TSHZ2: variants seen among roughly 807,000 people sequenced by gnomAD.
TSHZ2 encodes the protein teashirt zinc finger homeobox 2, also known as teashirt homolog 2.
In TSHZ2, 21 loss-of-function variants were observed where a neutral mutation model predicts 74.4. The observed-to-expected ratio is 0.28, with a 90% CI of 0.20 to 0.41. The LOEUF (loss-of-function observed/expected upper bound fraction) is 0.41, where lower values mean the gene tolerates loss of function less well. Ranked by LOEUF, TSHZ2 falls within the 10% of genes least tolerant of loss-of-function variation. TSHZ2 has a pLI of 1.00. For missense variants in TSHZ2, 1,244 were observed against 1,293.5 expected, an observed-to-expected ratio of 0.96 and a Z score of 0.59; for synonymous variants, 540 against 515.3, an observed-to-expected ratio of 1.05 and a Z score of -0.65.
At chr20:53,271,009 T>C (rs906880018) in intron 2 of TSHZ2, among the ~76,000 whole-genome samples, 2 of 152,144 alleles carry the variant, frequency 1.3e-5, no homozygotes, top group Admixed American at 6.5e-5. Flanking sequence ...TGGGTCCCTA[T>C]TGGATAGTCT....
chr20:53,435,372 T>C (rs985997813), intron 2 of TSHZ2, among the ~76,000 whole-genome samples: 1 of 152,206 alleles, frequency 6.6e-6, no homozygotes, highest in Admixed American at 6.5e-5. Flanking sequence ...CTAAGATGAC[T>C]GTTTCCTTCT....
intron 1 of TSHZ2, among the ~76,000 whole-genome samples, chr20:53,193,057 G>A (rs1338272220): frequency 1.3e-5 from 2 of 152,012 alleles, no homozygotes; most frequent in African/African-American, 2.4e-5. Flanking sequence ...CTTGTCCATA[G>A]GATGGTGTGG....
rs531402332 is a variant in TSHZ2 at position 53,436,644 on chromosome 20, C to A, written c.*9-50500C>A. ...CACTGCAACCTCCGCCTCCCGGGTT[C>A]AAGCACTTCTCCTGCCTCAGCCTCC... On this transcript the variant is annotated intron_variant, in intron 2 of 2. Coordinates refer to ENST00000371497, the MANE Select transcript of TSHZ2 (RefSeq NM_173485.6). 4.0e-5 allele frequency among the ~76,000 whole-genome samples: 6 copies of A among 149,192 alleles called. No individual in the cohort carries two copies. In the East Asian group the frequency reaches 1.2e-3, roughly 30 times the overall value.
intron 1 of TSHZ2, among the ~76,000 whole-genome samples, chr20:53,224,495 T>C (rs1989635337): frequency 6.6e-6 from 1 of 152,210 alleles, no homozygotes; most frequent in Non-Finnish European, 1.5e-5. Flanking sequence ...GATGTTGTTG[T>C]GAAGCTATGA....
intron 1 of TSHZ2, among the ~76,000 whole-genome samples, chr20:52,985,134 C>T (rs1981706608): frequency 1.3e-5 from 2 of 152,082 alleles, no homozygotes; most frequent in Admixed American, 6.6e-5. Flanking sequence ...TTTCTCCACC[C>T]CCATTAGACA....
chr20:53,029,786 A>C (rs1983571037), intron 1 of TSHZ2, among the ~76,000 whole-genome samples: 1 of 152,216 alleles, frequency 6.6e-6, no homozygotes. Context: ...GTATGATCAC[A>C]TTTTGTGTTT....
chr20:53,111,863 C>T (rs1470981555), intron 1 of TSHZ2, among the ~76,000 whole-genome samples: 1 of 150,718 alleles, frequency 6.6e-6, no homozygotes, highest in Non-Finnish European at 1.5e-5. Context: ...CGCTCTGGTA[C>T]CTGATGCAGA....
At chr20:53,307,527 G>A (rs552594660) in intron 2 of TSHZ2, among the ~76,000 whole-genome samples, 4 of 152,206 alleles carry the variant, frequency 2.6e-5, no homozygotes, top group East Asian at 3.9e-4. Flanking sequence ...AGCCCTGGTC[G>A]CACATTAGTG....
chr20:53,291,984 G>C (rs1285192852), intron 2 of TSHZ2, among the ~76,000 whole-genome samples: 1 of 145,560 alleles, frequency 6.9e-6, no homozygotes, highest in African/African-American at 2.6e-5. Context: ...AGATAGTCAG[G>C]ATAGCATTTA....
rs1986377138 is a variant in TSHZ2 at position 53,489,090 on chromosome 20, C to T, written c.*1955C>T. 2.2e-6 allele frequency: 1 copy of T among 456,258 alleles called. No individual in the cohort carries two copies. Among genetic ancestry groups the T allele is most frequent in the Non-Finnish European group, 4.4e-6 (1 of 226,976 alleles). The allele number at this position is 456,258 out of a possible 1,614,324, so 28.3% of individuals were successfully genotyped here. A position where few individuals can be genotyped will look rare whatever the true frequency, so the allele number is the denominator to read the frequency against. On this transcript the variant is annotated 3_prime_UTR_variant, in exon 3 of 3. Coordinates refer to ENST00000371497, the MANE Select transcript of TSHZ2 (RefSeq NM_173485.6). ...ATAGCTTCATTGAAGTGTCAGCACTCATCCATCAATCAATCACCCACAAGG... is the reference window on the plus strand; with the variant it reads ...ATAGCTTCATTGAAGTGTCAGCACTTATCCATCAATCAATCACCCACAAGG...
intron 2 of TSHZ2, chr20:53,398,729 G>C (rs1408666250): frequency 1.3e-5 from 2 of 152,126 alleles, no homozygotes; most frequent in African/African-American, 4.8e-5. Context: ...CTCCAGCCTG[G>C]GTCACAAAGT....
intron 1 of TSHZ2, among the ~76,000 whole-genome samples, chr20:53,215,102 GTTGT>G (rs1262701616): frequency 2.0e-5 from 3 of 152,144 alleles, no homozygotes; most frequent in Non-Finnish European, 4.4e-5. Context: ...TTGCAGGGAG[GTTGT>G]TTGTTTGAGT....
intron 2 of TSHZ2, among the ~76,000 whole-genome samples, chr20:53,394,704 T>C (rs1171026316): frequency 6.7e-6 from 1 of 149,298 alleles, no homozygotes; most frequent in Non-Finnish European, 1.5e-5. Context: ...AACACACATG[T>C]TCACTTACCA....
At chr20:53,365,314 T>C (rs1056961995) in intron 2 of TSHZ2, among the ~76,000 whole-genome samples, 9 of 152,180 alleles carry the variant, frequency 5.9e-5, no homozygotes, top group Admixed American at 3.9e-4. Flanking sequence ...AATGCATGTG[T>C]GATGGTGTCT....
chr20:53,245,938 T>G (rs951291266), intron 1 of TSHZ2, among the ~76,000 whole-genome samples: 8 of 152,166 alleles, frequency 5.3e-5, no homozygotes, highest in African/African-American at 1.9e-4. Context: ...TCAGATGTAT[T>G]TAGTTTTGTC....
At chr20:53,185,989 C>T (rs900141499) in intron 1 of TSHZ2, among the ~76,000 whole-genome samples, 25 of 152,210 alleles carry the variant, frequency 1.6e-4, no homozygotes, top group Admixed American at 1.6e-3. Flanking sequence ...GGGTGGATTT[C>T]TTACTGACAT....
chr20:53,061,181 G>C (rs1297553296), intron 1 of TSHZ2, among the ~76,000 whole-genome samples: 2 of 152,122 alleles, frequency 1.3e-5, no homozygotes, highest in African/African-American at 4.8e-5. Context: ...CAGATATTTT[G>C]AACGCCAGAA....
intron 2 of TSHZ2, among the ~76,000 whole-genome samples, chr20:53,433,350 AAG>A (rs1377880710): frequency 3.3e-5 from 5 of 152,272 alleles, no homozygotes; most frequent in African/African-American, 1.2e-4. Flanking sequence ...CTTGGGGACA[AAG>A]AGAGACCCTG....
chr20:53,098,604 A>G (rs1410718603), intron 1 of TSHZ2, among the ~76,000 whole-genome samples: 1 of 152,236 alleles, frequency 6.6e-6, no homozygotes, highest in Admixed American at 6.5e-5. Context: ...CCACTGTGTG[A>G]TGAATTATCA....
Sources: gnomAD v4.1 joint callset for allele counts (sites outside exome capture counted in the v4.1 genomes callset) on GRCh38, gnomAD v4.1.1 for gene constraint, MANE v1.5 for transcripts, NCBI Gene and HGNC (gene_info 2026-07-23, HGNC 2026-07-21) for gene names.